The following RGS6 variants were observed in gnomAD, a reference collection of about 807,000 sequenced individuals.
RGS6 encodes the protein regulator of G protein signaling 6, also known as regulator of G-protein signaling 6.
RGS6 carries 30 observed loss-of-function variants against 78.5 expected under a neutral mutation model. That is an observed-to-expected ratio of 0.38 (90% CI 0.29 to 0.52). The LOEUF (loss-of-function observed/expected upper bound fraction) is 0.52. RGS6 is among the 20% of genes least tolerant of loss of function. RGS6 has a pLI of 0.85. For missense variants in RGS6, 495 were observed against 609.7 expected, an observed-to-expected ratio of 0.81 and a Z score of 1.98; for synonymous variants, 206 against 206.0, an observed-to-expected ratio of 1.00 and a Z score of 0.00.
chr14:72,208,715 C>A (rs1169024143), intron 2 of RGS6, among the ~76,000 whole-genome samples: 2 of 152,112 alleles, frequency 1.3e-5, no homozygotes, highest in Non-Finnish European at 2.9e-5. Flanking sequence ...ACTGGTTTAT[C>A]CAGGTCTAAA....
intron 2 of RGS6, among the ~76,000 whole-genome samples, chr14:72,156,140 G>C (rs1055793985): frequency 6.6e-6 from 1 of 152,200 alleles, no homozygotes; most frequent in Non-Finnish European, 1.5e-5. Context: ...TGGTCAGCAA[G>C]GAGTATGGGC....
intron 2 of RGS6, among the ~76,000 whole-genome samples, chr14:72,239,900 C>T (rs144992270): frequency 1.1e-4 from 17 of 152,244 alleles, no homozygotes; most frequent in Admixed American, 6.5e-4. Flanking sequence ...TTTATGAGGC[C>T]ACCTCTGGGA....
the RGS6 span, among the ~76,000 whole-genome samples, chr14:71,891,398 C>T: frequency 1.8e-4 from 28 of 152,126 alleles, no homozygotes; most frequent in African/African-American, 2.9e-4. Flanking sequence ...TGGCTGTTGG[C>T]GAGGAGCTCA....
intron 2 of RGS6, among the ~76,000 whole-genome samples, chr14:72,186,522 G>A (rs1474443194): frequency 6.6e-6 from 1 of 152,060 alleles, no homozygotes; most frequent in African/African-American, 2.4e-5. Flanking sequence ...CAAGAACTTC[G>A]GTCTAATTGG....
chr14:72,092,047 AGTCT>A lies in RGS6; in HGVS notation c.84+127173_84+127176del, dbSNP rs1382485350. Reference sequence around the variant, plus strand: ...TTTTGTTTTGTTTTGTTTTTGAGACAGTCTCTCTCTCTCTGCTGCCCAGGCTGGA... The same window carrying A: ...TTTTGTTTTGTTTTGTTTTTGAGACACTCTCTCTCTGCTGCCCAGGCTGGA... On this transcript the variant is annotated intron_variant, in intron 2 of 17. Transcript: ENST00000553525. Among the ~76,000 whole-genome samples, 4 of 144,364 alleles carry A rather than the reference AGTCT, an allele frequency of 2.8e-5. No individual in the cohort carries two copies. The East Asian group carries it at 6.4e-4, about 23-fold the overall frequency. The allele number at this position is 144,364 out of a possible 152,430, so 94.7% of individuals were successfully genotyped here.
intron 2 of RGS6, among the ~76,000 whole-genome samples, chr14:72,242,557 G>A (rs1006887581): frequency 1.2e-4 from 19 of 152,166 alleles, no homozygotes; most frequent in Admixed American, 4.6e-4. Context: ...ATCATGAAAT[G>A]TATTGAATAT....
At position 72,190,171 on chromosome 14, in the gene RGS6, C is replaced by T. The variant is rs569723518; in HGVS notation, c.85-161924C>T. On this transcript the variant is annotated intron_variant, in intron 2 of 17. Coordinates refer to ENST00000553525, the MANE Select transcript of RGS6 (RefSeq NM_001204424.2). ...TCTCTGGGCTACCCGGGCCTTGCAG[C>T]TTCATGGTTCCTCCCTGAGCCTCTC... Among the ~76,000 whole-genome samples, 6 of 152,256 alleles carry T rather than the reference C, an allele frequency of 3.9e-5. No homozygotes were observed. In the East Asian group the frequency reaches 5.8e-4, roughly 15 times the overall value.
chr14:72,312,264 C>T (rs1268389776), intron 2 of RGS6, among the ~76,000 whole-genome samples: 2 of 144,672 alleles, frequency 1.4e-5, no homozygotes, highest in Non-Finnish European at 3.0e-5. Flanking sequence ...CCTAATTTTC[C>T]CTGGCAAATA....
intron 1 of RGS6, among the ~76,000 whole-genome samples, chr14:71,949,253 T>A (rs1215084875): frequency 6.6e-6 from 1 of 152,208 alleles, no homozygotes; most frequent in African/African-American, 2.4e-5. Context: ...AAGAGTTTTC[T>A]TAAGTGGCTG....
At chr14:72,299,950 T>G (rs761567319) in intron 2 of RGS6, among the ~76,000 whole-genome samples, 1 of 152,196 alleles carries the variant, frequency 6.6e-6, no homozygotes, top group African/African-American at 2.4e-5. Flanking sequence ...TGCCGACTTT[T>G]GGTTTTATCA....
chr14:72,025,258 C>T (rs940808251), intron 2 of RGS6, among the ~76,000 whole-genome samples: 2 of 151,456 alleles, frequency 1.3e-5, no homozygotes, highest in Admixed American at 1.3e-4. Flanking sequence ...CCAACAGGGC[C>T]AAATCAGCAT....
chr14:72,367,944 C>G (rs1368521706), intron 3 of RGS6, among the ~76,000 whole-genome samples: 1 of 152,140 alleles, frequency 6.6e-6, no homozygotes, highest in African/African-American at 2.4e-5. Context: ...TGTATAAAGG[C>G]CTGTCTGAAG....
intron 2 of RGS6, among the ~76,000 whole-genome samples, chr14:71,992,381 T>C (rs994308160): frequency 2.0e-5 from 3 of 152,250 alleles, no homozygotes; most frequent in African/African-American, 7.2e-5. Flanking sequence ...TGATATATCA[T>C]TATTTACTTA....
At chr14:72,561,861 C>T (rs559927102) in intron 17 of RGS6, among the ~76,000 whole-genome samples, 1 of 152,214 alleles carries the variant, frequency 6.6e-6, no homozygotes, top group African/African-American at 2.4e-5. Context: ...AAATGCCCCC[C>T]ACTTTCATGG....
intron 12 of RGS6, among the ~76,000 whole-genome samples, chr14:72,480,651 T>C (rs1025415305): frequency 1.1e-4 from 16 of 152,178 alleles, no homozygotes; most frequent in African/African-American, 3.4e-4. Context: ...ATAAAGCAGC[T>C]GGGAGCCGGG....
At chr14:72,199,334 G>C (rs769117065) in intron 2 of RGS6, among the ~76,000 whole-genome samples, 3 of 152,116 alleles carry the variant, frequency 2.0e-5, no homozygotes, top group Non-Finnish European at 2.9e-5. Flanking sequence ...CACTTATGTT[G>C]GTGTCAGAAT....
At chr14:72,445,481 ATTTT>A (rs34316528) in intron 3 of RGS6, among the ~76,000 whole-genome samples, 8 of 147,752 alleles carry the variant, frequency 5.4e-5, no homozygotes, top group African/African-American at 1.7e-4. Context: ...AAAAGATGTG[ATTTT>A]TTTTTTTTTT....
chr14:72,231,584 G>A (rs992612511), intron 2 of RGS6, among the ~76,000 whole-genome samples: 3 of 152,218 alleles, frequency 2.0e-5, no homozygotes, highest in Non-Finnish European at 4.4e-5. Flanking sequence ...CCCAGGTCCA[G>A]TGGTAAGCGT....
intron 2 of RGS6, among the ~76,000 whole-genome samples, chr14:72,129,272 G>A (rs1024652986): frequency 2.6e-5 from 4 of 152,128 alleles, no homozygotes; most frequent in Admixed American, 2.0e-4. Flanking sequence ...GAGATAATTC[G>A]GCTGAGAGCT....
Sources: gnomAD v4.1 joint callset for allele counts (sites outside exome capture counted in the v4.1 genomes callset) on GRCh38, gnomAD v4.1.1 for gene constraint, MANE v1.5 for transcripts, NCBI Gene and HGNC (gene_info 2026-07-23, HGNC 2026-07-21) for gene names.